BRINP1: variants seen among roughly 807,000 people sequenced by gnomAD.
BRINP1 encodes BMP/retinoic acid inducible neural specific 1.
Under a neutral mutation model 72.9 loss-of-function variants are expected in BRINP1, and 17 were observed. The ratio of observed to expected loss-of-function variants is 0.23; its 90% confidence interval spans 0.16 to 0.35. The LOEUF is 0.35. Ranked by LOEUF, BRINP1 falls within the 10% of genes least tolerant of loss-of-function variation. The pLI is 1.00. For missense variants in BRINP1, 850 were observed against 1,001.6 expected (o/e 0.85, Z 2.04); for synonymous variants, 418 against 378.5 (o/e 1.10, Z -1.21).
intron 1 of BRINP1, among the ~76,000 whole-genome samples, chr9:119,326,196 C>T (rs983690677): frequency 1.3e-5 from 2 of 152,168 alleles, no homozygotes; most frequent in African/African-American, 4.8e-5. Context: ...TGTTGTAGTA[C>T]CTAAAAATGG....
chr9:119,213,879 C>T, intron 6 of BRINP1, 40 bp downstream of exon 6: 1 of 1,567,650 alleles, frequency 6.4e-7, no homozygotes, highest in Non-Finnish European at 8.8e-7. Context: ...AGACTTGGCT[C>T]AAGGCCACTC....
intron 1 of BRINP1, among the ~76,000 whole-genome samples, chr9:119,335,384 C>T (rs1022079397): frequency 2.0e-5 from 3 of 152,194 alleles, no homozygotes; most frequent in African/African-American, 7.2e-5. Context: ...TTTAAATTAT[C>T]TCTAAGGGCC....
intron 2 of BRINP1, chr9:119,282,972 G>A: frequency 1.0e-6 from 1 of 985,372 alleles, no homozygotes; most frequent in Non-Finnish European, 1.2e-6. Context: ...AGCTGCCAAA[G>A]TTATCGCCCT....
At chr9:119,257,990 A>G (rs1365377221) in intron 2 of BRINP1, among the ~76,000 whole-genome samples, 1 of 152,198 alleles carries the variant, frequency 6.6e-6, no homozygotes, top group Non-Finnish European at 1.5e-5. Flanking sequence ...AAAGTAGAAA[A>G]AAAGAAGAAG....
chr9:119,339,205 G>C (rs899444014), intron 1 of BRINP1, among the ~76,000 whole-genome samples: 2 of 152,196 alleles, frequency 1.3e-5, no homozygotes, highest in Middle Eastern at 3.2e-3. Context: ...TATCACTGTA[G>C]CCAGAAAGTA....
chr9:119,225,801 G>A (rs1055240123), intron 5 of BRINP1, among the ~76,000 whole-genome samples: 20 of 151,838 alleles, frequency 1.3e-4, no homozygotes, highest in Admixed American at 3.9e-4. Flanking sequence ...AAATAGTAAG[G>A]ATATTTGCAC....
intron 7 of BRINP1, among the ~76,000 whole-genome samples, chr9:119,187,634 A>G (rs1380197822): frequency 6.6e-6 from 1 of 152,216 alleles, no homozygotes; most frequent in Non-Finnish European, 1.5e-5. Flanking sequence ...AGATATAAAC[A>G]TAAGGACACA....
At chr9:119,209,902 T>C (rs1420777573) in intron 6 of BRINP1, among the ~76,000 whole-genome samples, 2 of 152,196 alleles carry the variant, frequency 1.3e-5, no homozygotes, top group African/African-American at 4.8e-5. Flanking sequence ...GGGTGTCCCA[T>C]CTAGCATCAA....
chr9:119,349,396 C>T (rs943645037), intron 1 of BRINP1, among the ~76,000 whole-genome samples: 3 of 152,194 alleles, frequency 2.0e-5, no homozygotes, highest in African/African-American at 7.2e-5. Flanking sequence ...CCATTCCCTG[C>T]ACTGCATTCC....
chr9:119,227,131 G>C (rs1412512447), intron 5 of BRINP1, among the ~76,000 whole-genome samples: 1 of 151,928 alleles, frequency 6.6e-6, no homozygotes, highest in Non-Finnish European at 1.5e-5. Flanking sequence ...AACCCTCTTG[G>C]TTTTTAGATC....
intron 1 of BRINP1, among the ~76,000 whole-genome samples, chr9:119,321,193 A>T (rs917249610): frequency 2.0e-5 from 3 of 152,160 alleles, no homozygotes; most frequent in African/African-American, 2.4e-5. Context: ...GGCCTCCCAA[A>T]GTGCTGGGAT....
chr9:119,368,852 G>C lies in BRINP1; in HGVS notation c.-51+204C>G, dbSNP rs984749487. On this transcript the variant is annotated intron_variant, in intron 1 of 7. Transcript: ENST00000265922. The surrounding 1 kb of genome is among the most constrained non-coding windows in gnomAD (Gnocchi z 4.7). ...ACACACACGCCACTCACTCAAACCC[G>C]CAATTAGCCCTTTGAGCCCCAGGCA... is the stretch of plus-strand genomic sequence containing the variant. 2.0e-5 allele frequency among the ~76,000 whole-genome samples: 3 copies of C among 151,960 alleles called. No homozygotes were observed. Among genetic ancestry groups the C allele is most frequent in the Non-Finnish European group, 2.9e-5 (2 of 67,986 alleles).
At position 119,313,212 on chromosome 9, in the gene BRINP1, G is replaced by T. The variant is rs747419939; in HGVS notation, c.144C>A (p.Phe48Leu). ...AGGATAGGTAGCTCCTGGAGTGGTG[G>T]AAAGGCCCCCTGTCTGAAATGAGCC... ...FDWLISDRGP[F>L]HHSRSYLSFV... The change falls in exon 2 of 8, where the codon TTC becomes TTA. Residue 48 changes from phenylalanine (F) to leucine (L), a missense_variant. By Grantham distance (22) the Phe-to-Leu change is conservative. Coordinates refer to ENST00000265922, the MANE Select transcript of BRINP1 (RefSeq NM_014618.3). 6.2e-7 allele frequency: 1 copy of T among 1,614,052 alleles called. No homozygotes were observed.
At chr9:119,349,943 C>T (rs893650095) in intron 1 of BRINP1, among the ~76,000 whole-genome samples, 9 of 152,182 alleles carry the variant, frequency 5.9e-5, no homozygotes, top group Non-Finnish European at 1.2e-4. Context: ...GAACACTCTC[C>T]AGCATTTGCT....
At chr9:119,308,832 T>G in intron 2 of BRINP1, among the ~76,000 whole-genome samples, 1 of 152,126 alleles carries the variant, frequency 6.6e-6, no homozygotes, top group Admixed American at 6.5e-5. Flanking sequence ...GAACCGCCTC[T>G]TGTGACACAG....
chr9:119,172,276 C>G (rs867954605), intron 7 of BRINP1, among the ~76,000 whole-genome samples: 1 of 152,044 alleles, frequency 6.6e-6, no homozygotes, highest in Admixed American at 6.6e-5. Context: ...CAAATAGACG[C>G]AATAAAAAAT....
chr9:119,177,350 T>C (rs901604296), intron 7 of BRINP1, among the ~76,000 whole-genome samples: 1 of 152,110 alleles, frequency 6.6e-6, no homozygotes, highest in Non-Finnish European at 1.5e-5. Flanking sequence ...TAATGAGCTA[T>C]GTGGCTCCCA....
Position 119,208,894 on chromosome 9 carries a change from T to A in BRINP1, c.970A>T (p.Thr324Ser), listed in dbSNP as rs772861543. The A allele has an allele frequency of 1.9e-6, 3 of 1,614,148 alleles. No individual in the cohort carries two copies. The highest frequency in any genetic ancestry group is 3.3e-5 in the Admixed American group (2 of 60,016). ...CAGTGCTGATGGATGCTTCCGATGG[T>A]CAGGAAGTGGTTGCTGGGGAGGCGC... The part of the protein sequence containing the change: ...MKRLPSNHFL[T>S]IGSIHQHWGN... Residue 324 changes from threonine to serine, a missense_variant, in exon 7 of 8, where the codon ACC becomes TCC. By Grantham distance (58) the Thr-to-Ser change is moderately conservative (BLOSUM62 1). Transcript: ENST00000265922.
At chr9:119,264,873 A>T (rs986612115) in intron 2 of BRINP1, among the ~76,000 whole-genome samples, 9 of 152,140 alleles carry the variant, frequency 5.9e-5, no homozygotes, top group Admixed American at 3.3e-4. Flanking sequence ...GGATTTCACC[A>T]TCTTGGCCAG....
Sources: allele counts gnomAD v4.1 joint callset (sites outside exome capture counted in the v4.1 genomes callset), GRCh38; gene constraint gnomAD v4.1.1; non-coding constraint Gnocchi (gnomAD v3.1); transcripts MANE v1.5; gene names NCBI Gene and HGNC (gene_info 2026-07-23, HGNC 2026-07-21).